The following HK1 variants were observed in gnomAD, a reference collection of about 807,000 sequenced individuals.
The protein encoded by HK1 is hexokinase-1.
Under a neutral mutation model 91.6 loss-of-function variants are expected in HK1, and 28 were observed. The ratio of observed to expected loss-of-function variants is 0.31; its 90% CI spans 0.23 to 0.42. The LOEUF is 0.42. Among genes scored for constraint, HK1 ranks in the 10% least tolerant of loss-of-function variants. The pLI, the probability that HK1 is intolerant of heterozygous loss-of-function variation, is 1.00. For synonymous variants in HK1, 430 were observed against 468.1 expected (o/e 0.92, Z 1.05); for missense variants, 770 against 1,219.8 (o/e 0.63, Z 5.49).
chr10:69,372,859 T>A (rs1850087210), intron 7 of HK1, among the ~76,000 whole-genome samples: 1 of 140,558 alleles, frequency 7.1e-6, no homozygotes, highest in African/African-American at 2.9e-5. Context: ...TAACCAGGGT[T>A]TTTTTTTTGT....
At chr10:69,399,101 T>A (rs760042245) in intron 17 of HK1, among the ~76,000 whole-genome samples, 17 of 152,096 alleles carry the variant, frequency 1.1e-4, no homozygotes, top group Non-Finnish European at 2.1e-4. Context: ...CTGGTCCCCC[T>A]TAGGTGGGGG....
chr10:69,370,498 C>T (rs750748645), intron 7 of HK1, among the ~76,000 whole-genome samples: 6 of 152,140 alleles, frequency 3.9e-5, no homozygotes, highest in Non-Finnish European at 8.8e-5. Flanking sequence ...GAGAGGCCAA[C>T]ATGGTATGTG....
At chr10:69,381,622 C>T (rs947650117) in intron 9 of HK1, among the ~76,000 whole-genome samples, 5 of 148,658 alleles carry the variant, frequency 3.4e-5, no homozygotes, top group Non-Finnish European at 5.9e-5. Flanking sequence ...GGTGTGCTCT[C>T]AGCTCACTGC....
chr10:69,318,909 C>T lies in HK1; in HGVS notation c.-39C>T. 2 of 1,557,224 alleles carry T rather than the reference C, an allele frequency of 1.3e-6. No homozygotes were observed. The highest frequency in any genetic ancestry group is 1.7e-6 in the Non-Finnish European group (2 of 1,152,378). ...CTCGCCAGGGCTGCGGAGGACCGACCGTCCCCACGCCTGCCGCCCCGCGAC... is the reference window on the plus strand; with the variant it reads ...CTCGCCAGGGCTGCGGAGGACCGACTGTCCCCACGCCTGCCGCCCCGCGAC... On this transcript the variant is annotated 5_prime_UTR_variant, in exon 1 of 18. Coordinates refer to ENST00000359426, the MANE Select transcript of HK1 (RefSeq NM_000188.3).
chr10:69,359,026 T>C lies in HK1; in HGVS notation c.227-871T>C, dbSNP rs1243431967. Among the ~76,000 whole-genome samples the C allele has an allele frequency of 2.0e-5, 3 of 151,494 alleles. No individual in the cohort carries two copies. In the East Asian group the frequency reaches 5.8e-4, roughly 29 times the overall value. ...TCACACCACTGTACTCTAGCCCAGGTGACAGAGCAAGACCCTGTCTCTATT... is the reference window on the plus strand; with the variant it reads ...TCACACCACTGTACTCTAGCCCAGGCGACAGAGCAAGACCCTGTCTCTATT... On this transcript the variant is annotated intron_variant, in intron 2 of 17. Transcript: ENST00000359426.
chr10:69,307,943 A>G (rs1303457643), intron 5 of HK1, among the ~76,000 whole-genome samples: 1 of 151,904 alleles, frequency 6.6e-6, no homozygotes, highest in African/African-American at 2.4e-5. Context: ...GGTTCAAGTG[A>G]TTCTCCTGCC....
chr10:69,318,129 G>A (rs1461752620), upstream of HK1: 2 of 985,352 alleles, frequency 2.0e-6, no homozygotes, highest in African/African-American at 1.7e-5. Flanking sequence ...GTGACTCGGG[G>A]GCGGGTGCTC....
chr10:69,382,846 C>A, intron 10 of HK1, 55 bp downstream of exon 10: 1 of 1,571,738 alleles, frequency 6.4e-7, no homozygotes, highest in South Asian at 1.1e-5. Flanking sequence ...GGAACTGAGC[C>A]GCAGTGGGGG....
At chr10:69,323,812 C>T (rs867614646) in intron 1 of HK1, among the ~76,000 whole-genome samples, 12 of 152,256 alleles carry the variant, frequency 7.9e-5, no homozygotes, top group Middle Eastern at 3.4e-3. Flanking sequence ...TACTGTTCTC[C>T]GGAGAAGACA....
chr10:69,379,735 C>T, intron 8 of HK1, 127 bp from the exon 9 acceptor site: 2 of 704,464 alleles, frequency 2.8e-6, no homozygotes, highest in Non-Finnish European at 5.2e-6. Flanking sequence ...AGTCTTCATC[C>T]CATACCATCC....
intron 2 of HK1, among the ~76,000 whole-genome samples, chr10:69,345,496 A>G (rs72807703): frequency 0.034 from 5,234 of 152,194 alleles, 148 homozygotes; most frequent in African/African-American, 0.071. Flanking sequence ...GAGGAGAGCT[A>G]TGTAGCAGAG....
chr10:69,378,094 T>C (rs1010264890), intron 8 of HK1, among the ~76,000 whole-genome samples: 3 of 152,206 alleles, frequency 2.0e-5, no homozygotes, highest in African/African-American at 7.2e-5. Context: ...ATGATCACTC[T>C]CCTGAGTTTC....
chr10:69,319,645 C>T (rs75171090), intron 1 of HK1, among the ~76,000 whole-genome samples: 11,924 of 152,304 alleles, frequency 0.078, 1,221 homozygotes, highest in East Asian at 0.57. Flanking sequence ...TTTTATTCCT[C>T]TTAAGCTGTA....
At chr10:69,360,140 C>T in intron 3 of HK1, 95 bp downstream of exon 3, 1 of 1,234,686 alleles carries the variant, frequency 8.1e-7, no homozygotes, top group East Asian at 2.3e-5. Context: ...TCCCAAGCCC[C>T]TGGAAGAGGG....
chr10:69,289,791 TTTA>T (rs905532775), intron 3 of HK1, among the ~76,000 whole-genome samples: 2 of 150,718 alleles, frequency 1.3e-5, no homozygotes, highest in African/African-American at 2.4e-5. Flanking sequence ...TTTTTTTTTT[TTTA>T]AATTTTAACA....
Position 69,379,945 on chromosome 10 carries a change from A to G in HK1, c.1115A>G (p.Gln372Arg), listed in dbSNP as rs576717469. Residue 372 changes from glutamine to arginine, a missense_variant, in exon 9 of 18, where the codon CAG becomes CGG. This residue lies in a region of HK1 where 449 missense variants were observed against 665.1 expected (regional missense o/e 0.68). Coordinates refer to ENST00000359426, the MANE Select transcript of HK1 (RefSeq NM_000188.3). ...EPSDDDCVSV[Q>R]HVCTIVSFRS... ...TCCGATGATGACTGTGTCTCAGTCC[A>G]GCACGTTTGCACCATTGTCTCATTT... is the stretch of plus-strand genomic sequence containing the variant. 3.1e-6 allele frequency: 5 copies of G among 1,614,244 alleles called. No homozygotes were observed. The Admixed American group carries it at 6.7e-5, about 22-fold the overall frequency.
intron 14 of HK1, chr10:69,389,510 C>T: frequency 1.6e-6 from 1 of 609,804 alleles, no homozygotes; most frequent in Non-Finnish European, 3.0e-6. Flanking sequence ...ACCCATAATG[C>T]TACACATTGC....
At chr10:69,324,025 C>G (rs1241803485) in intron 1 of HK1, among the ~76,000 whole-genome samples, 1 of 152,098 alleles carries the variant, frequency 6.6e-6, no homozygotes, top group Non-Finnish European at 1.5e-5. Context: ...CTGCTGGCAC[C>G]TGCTTATGGA....
chr10:69,340,174 T>A (rs1384813321), intron 1 of HK1, among the ~76,000 whole-genome samples: 2 of 152,156 alleles, frequency 1.3e-5, no homozygotes, highest in Non-Finnish European at 2.9e-5. Flanking sequence ...AGGATAATCA[T>A]GATGTGTGAG....
Sources: gnomAD v4.1 joint callset for allele counts (sites outside exome capture counted in the v4.1 genomes callset) on GRCh38, gnomAD v4.1.1 for gene constraint, gnomAD v4.1.1 regional missense constraint, MANE v1.5 for transcripts, NCBI Gene and HGNC (gene_info 2026-07-23, HGNC 2026-07-21) for gene names.